The following CATSPERT variants were observed in gnomAD, a reference collection of about 807,000 sequenced individuals.
CATSPERT encodes the protein catsper channel auxiliary subunit tau.
At chr2:201,534,548 A>G in the CATSPERT span, 5 of 982,526 alleles carry the variant, frequency 5.1e-6, no homozygotes, top group Non-Finnish European at 6.0e-6. Flanking sequence ...CAAGTCTTCA[A>G]ACAAAAAAAT....
the CATSPERT span, among the ~76,000 whole-genome samples, chr2:201,527,630 A>G: frequency 6.6e-6 from 1 of 152,180 alleles, no homozygotes; most frequent in Non-Finnish European, 1.5e-5. Flanking sequence ...CTGATTTTTG[A>G]CAAAGTCGAC....
At chr2:201,591,293 G>C in the CATSPERT span, among the ~76,000 whole-genome samples, 1 of 152,116 alleles carries the variant, frequency 6.6e-6, no homozygotes, top group Non-Finnish European at 1.5e-5. Context: ...TCAGATAGTT[G>C]TAGATATGTG....
the CATSPERT span, chr2:201,575,284 T>C: frequency 1.4e-5 from 22 of 1,588,824 alleles, no homozygotes; most frequent in Middle Eastern, 5.0e-4. Context: ...GTCCTTACTA[T>C]GTTTCCATGC....
At chr2:201,505,563 G>A in the CATSPERT span, among the ~76,000 whole-genome samples, 1 of 152,088 alleles carries the variant, frequency 6.6e-6, no homozygotes, top group Non-Finnish European at 1.5e-5. Flanking sequence ...ACACAGATTG[G>A]GGACATTCTG....
chr2:201,617,966 C>A, the CATSPERT span, among the ~76,000 whole-genome samples: 1 of 152,188 alleles, frequency 6.6e-6, no homozygotes, highest in Non-Finnish European at 1.5e-5. Context: ...AAATGCTCAT[C>A]ATCACTGGCC....
chr2:201,531,425 A>C, the CATSPERT span, among the ~76,000 whole-genome samples: 1 of 152,174 alleles, frequency 6.6e-6, no homozygotes, highest in Non-Finnish European at 1.5e-5. Context: ...ACAGTGGTAA[A>C]TAAGACTAAA....
the CATSPERT span, among the ~76,000 whole-genome samples, chr2:201,586,540 ACTGT>A: frequency 6.6e-6 from 1 of 152,098 alleles, no homozygotes; most frequent in African/African-American, 2.4e-5. Flanking sequence ...AAATAAAAAG[ACTGT>A]CAGACTGGAT....
chr2:201,491,462 TTATATA>T, the CATSPERT span: 2 of 1,537,110 alleles, frequency 1.3e-6, no homozygotes, highest in Non-Finnish European at 1.7e-6. Flanking sequence ...TCATCTGGTT[TTATATA>T]AAGAGTTTGT....
the CATSPERT span, among the ~76,000 whole-genome samples, chr2:201,588,362 C>A: frequency 1.3e-5 from 2 of 151,820 alleles, no homozygotes; most frequent in Non-Finnish European, 2.9e-5. Flanking sequence ...TAAATGTGAT[C>A]AATCGCATAA....
chr2:201,503,922 A>G, the CATSPERT span, among the ~76,000 whole-genome samples: 1 of 152,200 alleles, frequency 6.6e-6, no homozygotes, highest in Non-Finnish European at 1.5e-5. Flanking sequence ...TACAAAGGTG[A>G]TACCCTTCTA....
the CATSPERT span, among the ~76,000 whole-genome samples, chr2:201,520,631 T>C: frequency 3.3e-5 from 5 of 152,334 alleles, no homozygotes; most frequent in Non-Finnish European, 7.3e-5. Flanking sequence ...CTCATGCCTG[T>C]AATCCCAGCA....
chr2:201,601,847 G>T, the CATSPERT span: 3 of 1,605,744 alleles, frequency 1.9e-6, no homozygotes. Context: ...TGTTTATAGA[G>T]ATGCGAATGA....
the CATSPERT span, among the ~76,000 whole-genome samples, chr2:201,610,219 C>G: frequency 3.3e-5 from 5 of 152,158 alleles, no homozygotes; most frequent in Admixed American, 3.3e-4. Context: ...CTTCGGGAGG[C>G]TGAGGCAGGC....
At chr2:201,606,647 C>T in the CATSPERT span, among the ~76,000 whole-genome samples, 5 of 151,934 alleles carry the variant, frequency 3.3e-5, no homozygotes, top group Non-Finnish European at 2.9e-5. Context: ...ACCTGTAATC[C>T]CAACACTTTG....
At chr2:201,503,222 G>A in the CATSPERT span, among the ~76,000 whole-genome samples, 3 of 151,658 alleles carry the variant, frequency 2.0e-5, no homozygotes, top group Admixed American at 6.6e-5. Flanking sequence ...ATATTTTATT[G>A]CTTTTTTATA....
At chr2:201,570,672 G>T in the CATSPERT span, among the ~76,000 whole-genome samples, 2 of 152,036 alleles carry the variant, frequency 1.3e-5, no homozygotes, top group Non-Finnish European at 2.9e-5. Flanking sequence ...CTCAATCACC[G>T]TATCTTGCCC....
chr2:201,616,790 T>A, the CATSPERT span, among the ~76,000 whole-genome samples: 1 of 152,262 alleles, frequency 6.6e-6, no homozygotes, highest in African/African-American at 2.4e-5. Flanking sequence ...AGATGACATG[T>A]TTGTATATTC....
chr2:201,526,308 C>T, the CATSPERT span, among the ~76,000 whole-genome samples: 1 of 152,108 alleles, frequency 6.6e-6, no homozygotes, highest in African/African-American at 2.4e-5. Flanking sequence ...CACTTGAGGT[C>T]AGGGTTTGAG....
the CATSPERT span, among the ~76,000 whole-genome samples, chr2:201,552,621 G>C: frequency 6.6e-6 from 1 of 152,156 alleles, no homozygotes; most frequent in Non-Finnish European, 1.5e-5. Context: ...TCAACAGTAG[G>C]CTATTAGTAG....
Sources: allele counts gnomAD v4.1 joint callset (sites outside exome capture counted in the v4.1 genomes callset), GRCh38; gene constraint gnomAD v4.1.1; transcripts MANE v1.5; gene names NCBI Gene and HGNC (gene_info 2026-07-23, HGNC 2026-07-21).